ESR1: variants seen among roughly 807,000 people sequenced by gnomAD.
ESR1 encodes estrogen receptor 1, also known as estrogen receptor.
ESR1 carries 12 observed loss-of-function variants against 52.7 expected under a neutral mutation model. The ratio of observed to expected loss-of-function variants is 0.23; its 90% CI spans 0.15 to 0.37. The LOEUF is 0.37. ESR1 is among the 10% of genes least tolerant of loss of function. ESR1 has a pLI of 1.00. For synonymous variants in ESR1, 305 were observed against 316.8 expected, an observed-to-expected ratio of 0.96 and a Z score of 0.39; for missense variants, 584 against 779.7, an observed-to-expected ratio of 0.75 and a Z score of 2.99.
chr6:151,763,674 G>A (rs1784826145), intron 2 of ESR1, among the ~76,000 whole-genome samples: 1 of 152,176 alleles, frequency 6.6e-6, no homozygotes, highest in African/African-American at 2.4e-5. Flanking sequence ...CGTTATGTCA[G>A]AAGAGGAGTG....
chr6:151,958,840 A>G (rs893978888), intron 4 of ESR1, among the ~76,000 whole-genome samples: 3 of 152,222 alleles, frequency 2.0e-5, no homozygotes, highest in Non-Finnish European at 2.9e-5. Context: ...ACCCAGCCTC[A>G]GTGCTGGTTG....
At chr6:151,895,133 GTTT>G (rs34563069) in intron 3 of ESR1, among the ~76,000 whole-genome samples, 1 of 125,872 alleles carries the variant, frequency 7.9e-6, no homozygotes, top group Non-Finnish European at 1.7e-5. Context: ...GTTTTTTTTG[GTTT>G]TTTTTTTTTT....
At chr6:152,071,900 G>T (rs942061768) in intron 6 of ESR1, among the ~76,000 whole-genome samples, 1 of 152,026 alleles carries the variant, frequency 6.6e-6, no homozygotes, top group Admixed American at 6.5e-5. Flanking sequence ...GGTGAAAAGG[G>T]TATAAACATT....
intron 4 of ESR1, among the ~76,000 whole-genome samples, chr6:151,984,388 A>G (rs1336581888): frequency 6.6e-6 from 1 of 152,160 alleles, no homozygotes; most frequent in Non-Finnish European, 1.5e-5. Context: ...TGAGGAAATA[A>G]TGTAAGCAGG....
At chr6:151,803,783 G>A (rs1777506495), upstream of ESR1, among the ~76,000 whole-genome samples, 1 of 152,128 alleles carries the variant, frequency 6.6e-6, no homozygotes, top group African/African-American at 2.4e-5. Flanking sequence ...TCTTGATTAG[G>A]TGTGGAAGGC....
intron 4 of ESR1, among the ~76,000 whole-genome samples, chr6:152,001,291 G>A (rs1246702154): frequency 6.6e-6 from 1 of 152,018 alleles, no homozygotes; most frequent in Non-Finnish European, 1.5e-5. Flanking sequence ...TTTAATGAGG[G>A]CCTCATGCTG....
At position 152,100,605 on chromosome 6, in the gene ESR1, C is replaced by T. The variant is rs1367571589; in HGVS notation, c.*1639C>T. The T allele has an allele frequency of 4.3e-6, 1 of 231,780 alleles. No homozygotes were observed. The highest frequency in any genetic ancestry group is 8.5e-6 in the Non-Finnish European group (1 of 117,340). The allele number at this position is 231,780 out of a possible 1,614,324, so 14.4% of individuals were successfully genotyped here. ...GAATGTTTGATTTCCTCTGGGTGAC[C>T]TTATTGTCTGTAATTGAAACCCTAT... On this transcript the variant is annotated 3_prime_UTR_variant, in exon 8 of 8. Coordinates refer to ENST00000206249, the MANE Select transcript of ESR1 (RefSeq NM_000125.4).
At chr6:151,994,605 G>A (rs867686334) in intron 4 of ESR1, among the ~76,000 whole-genome samples, 1 of 152,162 alleles carries the variant, frequency 6.6e-6, no homozygotes, top group South Asian at 2.1e-4. Context: ...TGTCCTTGTT[G>A]TTCCATCTGT....
chr6:151,853,972 G>A lies in ESR1; in HGVS notation c.643+11185G>A, dbSNP rs371704672. ...GCACATTTTCAAAAGGCATCAACTCGTCCTCAAAATTATGTGCTGACACTG... is the reference window on the plus strand; with the variant it reads ...GCACATTTTCAAAAGGCATCAACTCATCCTCAAAATTATGTGCTGACACTG... On this transcript the variant is annotated intron_variant, in intron 2 of 7. Coordinates refer to ENST00000206249, the MANE Select transcript of ESR1 (RefSeq NM_000125.4). Among the ~76,000 whole-genome samples, 178 of 152,226 alleles carry A rather than the reference G, an allele frequency of 1.2e-3. 1 individual carries two copies. Among genetic ancestry groups the A allele is most frequent in the Non-Finnish European group, 2.1e-3 (143 of 68,016 alleles).
intron 4 of ESR1, among the ~76,000 whole-genome samples, chr6:151,945,795 T>G (rs1038233700): frequency 6.6e-6 from 1 of 152,248 alleles, no homozygotes; most frequent in Non-Finnish European, 1.5e-5. Flanking sequence ...AGTGAACTTA[T>G]GTCTGGCCTT....
chr6:151,966,215 A>G (rs1015440993), intron 4 of ESR1, among the ~76,000 whole-genome samples: 2 of 152,144 alleles, frequency 1.3e-5, no homozygotes, highest in Admixed American at 6.5e-5. Flanking sequence ...CTGCCCCACT[A>G]TATATTCTAA....
intron 4 of ESR1, among the ~76,000 whole-genome samples, chr6:152,006,572 A>G (rs1474821450): frequency 1.3e-5 from 2 of 152,066 alleles, no homozygotes; most frequent in African/African-American, 4.8e-5. Context: ...TTTCTCCCAG[A>G]AATCCAAAGT....
chr6:151,676,783 C>T (rs959263200), intron 1 of ESR1, among the ~76,000 whole-genome samples: 1 of 152,280 alleles, frequency 6.6e-6, no homozygotes, highest in East Asian at 1.9e-4. Context: ...AGAGAAACTG[C>T]TATCTGATAA....
At chr6:151,775,476 G>A (rs1030246922) in intron 2 of ESR1, among the ~76,000 whole-genome samples, 3 of 152,110 alleles carry the variant, frequency 2.0e-5, no homozygotes, top group African/African-American at 7.2e-5. Flanking sequence ...GGCCAGGCGC[G>A]GTGGCTGACA....
upstream of ESR1, among the ~76,000 whole-genome samples, chr6:151,800,346 A>C (rs551017317): frequency 6.6e-6 from 1 of 152,064 alleles, no homozygotes; most frequent in Admixed American, 6.6e-5. Context: ...CTAAACACTA[A>C]GCCCCTGAAG....
chr6:151,871,697 G>C (rs1347575727), intron 2 of ESR1, among the ~76,000 whole-genome samples: 1 of 152,152 alleles, frequency 6.6e-6, no homozygotes, highest in Non-Finnish European at 1.5e-5. Flanking sequence ...GAGCCACTGT[G>C]CCCGGCCAGC....
At chr6:151,713,803 A>ATT (rs566496802) in intron 2 of ESR1, among the ~76,000 whole-genome samples, 3 of 151,118 alleles carry the variant, frequency 2.0e-5, no homozygotes, top group Admixed American at 1.3e-4. Context: ...GTGTTCATTG[A>ATT]TTTTTTTTTG....
chr6:151,672,582 C>T (rs985017633), intron 1 of ESR1, among the ~76,000 whole-genome samples: 1 of 152,134 alleles, frequency 6.6e-6, no homozygotes, highest in African/African-American at 2.4e-5. Flanking sequence ...GGTGATCCAC[C>T]TGCCTCGGCC....
rs118039312 is a variant in ESR1, at chr6:151,897,897, G to A, written c.760+17126G>A. 3.1e-4 allele frequency among the ~76,000 whole-genome samples: 47 copies of A among 152,244 alleles called. No homozygotes were observed. In the East Asian group the frequency reaches 7.5e-3, roughly 24 times the overall value. ...CATGTAGTGCTGGCTTGGTAGTGGC[G>A]AATTCTCTTAGCGTTGTTTTTATCT... On this transcript the variant is annotated intron_variant, in intron 3 of 7. Coordinates refer to ENST00000206249, the MANE Select transcript of ESR1 (RefSeq NM_000125.4).
Sources: allele counts gnomAD v4.1 joint callset (sites outside exome capture counted in the v4.1 genomes callset), GRCh38; gene constraint gnomAD v4.1.1; transcripts MANE v1.5; gene names NCBI Gene and HGNC (gene_info 2026-07-23, HGNC 2026-07-21).